The following RIBC1 variants were observed in gnomAD, a reference collection of about 807,000 sequenced individuals.
The protein encoded by RIBC1 is RIB43A-like with coiled-coils protein 1.
Under a neutral mutation model 33.7 loss-of-function variants are expected in RIBC1, and 12 were observed. That is an observed-to-expected ratio of 0.36 (90% CI 0.23 to 0.58). The LOEUF (loss-of-function observed/expected upper bound fraction) is 0.58. RIBC1 is among the 20% of genes least tolerant of loss of function. The pLI is 0.81. For synonymous variants in RIBC1, 89 were observed against 109.0 expected (o/e 0.82, Z 1.14); for missense variants, 242 against 311.6 (o/e 0.78, Z 1.68).
Position 53,430,606 on chromosome X carries a change from C to G in RIBC1, c.874C>G (p.Gln292Glu), listed in dbSNP as rs1556894172. 3 of 1,203,594 alleles carry G rather than the reference C, an allele frequency of 2.5e-6. No individual in the cohort carries two copies. The highest frequency in any genetic ancestry group is 3.4e-6 in the Non-Finnish European group (3 of 891,417). ...TGCCATCAGGAAAGAGCAGGAAGTA[C>G]AACGCTCTAAGAAGCAAGCACACCG... ...QAAIRKEQEV[Q>E]RSKKQAHRQA... Residue 292 changes from glutamine (Q) to glutamate (E), a missense_variant, in exon 7 of 8, where the codon CAA (glutamine) becomes GAA (glutamate). Physicochemically the swap from Gln to Glu is conservative, Grantham distance 29. Coordinates refer to ENST00000375327, the MANE Select transcript of RIBC1 (RefSeq NM_001031745.5).
intron 5 of RIBC1, chrX:53,429,109 T>A (rs1367982209): frequency 8.0e-6 from 1 of 125,366 alleles, no homozygotes; most frequent in African/African-American, 3.2e-5. Flanking sequence ...CACTCTGTTC[T>A]GCTGGACCAC....
chrX:53,425,515 TAAAAAAAAAAAAAA>T (rs782760749), intron 2 of RIBC1, among the ~76,000 whole-genome samples: 20 of 25,873 alleles, frequency 7.7e-4, no homozygotes, highest in African/African-American at 3.2e-3. Flanking sequence ...GTAATAAAAG[TAAAAAAAAAAAAAA>T]AAAAAAAAAA....
Position 53,429,921 on chromosome X carries a change from G to T in RIBC1, c.612G>T (p.Glu204Asp). ...CCACCCATCTGGCCAGGCTGGAGGA[G>T]TCCTGTCGTGCGGCCATGATGTGTG... is the stretch of plus-strand genomic sequence containing the variant. ...AQATHLARLE[E>D]SCRAAMMCAM... The change falls in exon 6 of 8, where the codon GAG (glutamate) becomes GAT (aspartate). Residue 204 changes from glutamate (E) to aspartate (D), a missense_variant. By Grantham distance (45) the Glu-to-Asp change is conservative. Coordinates refer to ENST00000375327, the MANE Select transcript of RIBC1 (RefSeq NM_001031745.5). 1 of 1,211,424 alleles carries T rather than the reference G, an allele frequency of 8.3e-7. No individual in the cohort carries two copies. The highest frequency in any genetic ancestry group is 1.1e-6 in the Non-Finnish European group (1 of 894,864).
chrX:53,426,238 T>C (rs2075790922), intron 2 of RIBC1, 39 bp from the exon 3 acceptor site: 5 of 911,197 alleles, frequency 5.5e-6, no homozygotes, highest in Non-Finnish European at 8.0e-6. Flanking sequence ...AAGACGGTGG[T>C]CGGCACTGAT....
chrX:53,427,955 C>A, intron 3 of RIBC1, 48 bp from the exon 4 acceptor site: 1 of 1,064,031 alleles, frequency 9.4e-7, no homozygotes, highest in Non-Finnish European at 1.3e-6. Context: ...ACATTGAAGG[C>A]CCCCTGCTGG....
At chrX:53,423,739 C>T (rs1465501826) in intron 2 of RIBC1, among the ~76,000 whole-genome samples, 3 of 111,317 alleles carry the variant, frequency 2.7e-5, no homozygotes, top group Non-Finnish European at 3.8e-5. Flanking sequence ...AAATTATGTC[C>T]GAAGGCTAGA....
chrX:53,429,102 T>C (rs896650131), intron 5 of RIBC1: 1 of 126,844 alleles, frequency 7.9e-6, no homozygotes, highest in Non-Finnish European at 1.6e-5. Flanking sequence ...GTTACAGCAC[T>C]CTGTTCTGCT....
rs962386852 is a variant in RIBC1, at chrX:53,429,956, A to T, written c.647A>T (p.Asn216Ile). The T allele has an allele frequency of 8.3e-7, 1 of 1,203,288 alleles. No homozygotes were observed. The highest frequency in any genetic ancestry group is 1.8e-5 in the South Asian group (1 of 56,641). The change falls in exon 6 of 8, where the codon AAC becomes ATC. Residue 216 changes from asparagine to isoleucine, a missense_variant. By Grantham distance (149) the Asn-to-Ile change is moderately radical. Transcript: ENST00000375327. ...CRAAMMCAMA[N>I]ANKAQAAVQA... Reference sequence around the variant, plus strand: ...GCGGCCATGATGTGTGCCATGGCCAACGCCAACAAAGCGCAGGTATGGCCT... The same window carrying T: ...GCGGCCATGATGTGTGCCATGGCCATCGCCAACAAAGCGCAGGTATGGCCT...
At chrX:53,423,098 C>T in intron 1 of RIBC1, 94 bp downstream of exon 1, 1 of 170,884 alleles carries the variant, frequency 5.9e-6, no homozygotes, top group Non-Finnish European at 1.1e-5. Flanking sequence ...GAGCGGAGAG[C>T]TGGACGGGAA....
chrX:53,428,417 A>C lies in RIBC1; in HGVS notation c.334A>C (p.Ser112Arg). Residue 112 changes from serine (S) to arginine (R), a missense_variant, in exon 5 of 8, where the codon AGT becomes CGT. Ser to Arg is a moderately radical substitution (Grantham distance 110). Coordinates refer to ENST00000375327, the MANE Select transcript of RIBC1 (RefSeq NM_001031745.5). ...KQQLKNGREF[S>R]LWDPGQVWKG... ...GCAGCTCAAGAACGGGCGTGAATTTAGTCTTTGGGATCCAGGCCAAGTCTG... is the reference window on the plus strand; with the variant it reads ...GCAGCTCAAGAACGGGCGTGAATTTCGTCTTTGGGATCCAGGCCAAGTCTG... 8.3e-7 allele frequency: 1 copy of C among 1,210,981 alleles called. No individual in the cohort carries two copies. Among genetic ancestry groups the C allele is most frequent in the Non-Finnish European group, 1.1e-6 (1 of 894,902 alleles).
In RIBC1 at chrX:53,423,937, G is replaced by T. The variant is rs782026585; in HGVS notation, c.-1+535G>T. The stretch of plus-strand genomic sequence containing the variant: ...CTACTAAAAATTAAAAAATTAGCTG[G>T]GTGTGGCAGCTCTCACCTCTGGTCT... On this transcript the variant is annotated intron_variant, in intron 2 of 7. Coordinates refer to ENST00000375327, the MANE Select transcript of RIBC1 (RefSeq NM_001031745.5). Among the ~76,000 whole-genome samples, 122 of 111,104 alleles carry T rather than the reference G, an allele frequency of 1.1e-3. 1 individual carries two copies. The highest frequency in any genetic ancestry group is 3.6e-3 in the African/African-American group (111 of 30,555).
chrX:53,425,942 C>G (rs190074145), intron 2 of RIBC1, among the ~76,000 whole-genome samples: 296 of 112,169 alleles, frequency 2.6e-3, no homozygotes, highest in Middle Eastern at 4.6e-3. Context: ...TTTAAAGGTG[C>G]TTTCAAAGGC....
Position 53,430,928 on chromosome X carries a change from A to G in RIBC1, c.1080A>G (p.Val360=). The change falls in exon 8 of 8, where the codon GTA becomes GTG. Residue 360 remains valine (V), a synonymous_variant. Coordinates refer to ENST00000375327, the MANE Select transcript of RIBC1 (RefSeq NM_001031745.5). ...ACAGGCAGGATTACCTGAATTCAGT[A>G]ATCTACACCAATCAACCTACAGCCC... ...QKAQQDYLNS[V]IYTNQPTAQY... is the part of the protein sequence containing the mutation. 1 of 1,209,491 alleles carries G rather than the reference A, an allele frequency of 8.3e-7. No homozygotes were observed. The highest frequency in any genetic ancestry group is 1.1e-6 in the Non-Finnish European group (1 of 894,505).
At chrX:53,426,497 A>G (rs1269965749) in intron 3 of RIBC1, 104 bp downstream of exon 3, 2 of 565,234 alleles carry the variant, frequency 3.5e-6, no homozygotes, top group Non-Finnish European at 5.8e-6. Flanking sequence ...CCCTGATTCA[A>G]GTAGGCCCCT....
At chrX:53,427,537 TCA>T (rs2075798758) in intron 3 of RIBC1, among the ~76,000 whole-genome samples, 2 of 112,569 alleles carry the variant, frequency 1.8e-5, no homozygotes, top group African/African-American at 6.5e-5. Flanking sequence ...CTGAAAGGGT[TCA>T]CAGTCTGGTG....
chrX:53,426,193 T>C (rs1326840251), intron 2 of RIBC1, 84 bp from the exon 3 acceptor site: 2 of 597,708 alleles, frequency 3.3e-6, no homozygotes, highest in Non-Finnish European at 2.8e-6. Context: ...GCTGAAATAT[T>C]ATAGGGAGAA....
At position 53,430,610 on chromosome X, in the gene RIBC1, G is replaced by A. The variant is rs1483952217; in HGVS notation, c.878G>A (p.Arg293His). 7 of 1,203,449 alleles carry A rather than the reference G, an allele frequency of 5.8e-6. No individual in the cohort carries two copies. The highest frequency in any genetic ancestry group is 3.6e-5 in the South Asian group (2 of 55,693). Residue 293 changes from arginine to histidine, a missense_variant, in exon 7 of 8, where the codon CGC becomes CAC. Coordinates refer to ENST00000375327, the MANE Select transcript of RIBC1 (RefSeq NM_001031745.5). ...AAIRKEQEVQRSKKQAHRQAE... is the reference protein window; with the variant it reads ...AAIRKEQEVQHSKKQAHRQAE... ...ATCAGGAAAGAGCAGGAAGTACAAC[G>A]CTCTAAGAAGCAAGCACACCGTCAG... is the stretch of plus-strand genomic sequence containing the variant.
intron 3 of RIBC1, among the ~76,000 whole-genome samples, chrX:53,426,776 A>G (rs1556893325): frequency 2.7e-5 from 3 of 112,236 alleles, no homozygotes. Context: ...ACACAAGGTC[A>G]GGAGTTAAAG....
rs1638389687 is a variant in RIBC1, at chrX:53,423,328, C to T, written c.-75C>T. 8.9e-6 allele frequency: 1 copy of T among 112,104 alleles called. No homozygotes were observed. The highest frequency in any genetic ancestry group is 3.6e-4 in the South Asian group (1 of 2,771). 9.2% of individuals were successfully genotyped at this position (112,104 alleles called of 1,213,427 possible). A position where few individuals can be genotyped will look rare whatever the true frequency, so the allele number is the denominator to read the frequency against. ...GTACCAAGCAGAGTTCAGAAACTGC[C>T]GCCGTAACCCAAGAACAAAGTTGCA... On this transcript the variant is annotated 5_prime_UTR_variant, in exon 2 of 8. Transcript: ENST00000375327.
Sources: gnomAD v4.1 joint callset for allele counts (sites outside exome capture counted in the v4.1 genomes callset) on GRCh38, gnomAD v4.1.1 for gene constraint, MANE v1.5 for transcripts, NCBI Gene and HGNC (gene_info 2026-07-23, HGNC 2026-07-21) for gene names.